Variants in PLXNA4 observed in about 807,000 individuals in gnomAD.
PLXNA4 encodes plexin A4, also known as plexin-A4.
Under a neutral mutation model 191.8 loss-of-function variants are expected in PLXNA4, and 44 were observed. The ratio of observed to expected loss-of-function variants is 0.23; its 90% confidence interval spans 0.18 to 0.29. The LOEUF (loss-of-function observed/expected upper bound fraction) is 0.29, where lower values mean the gene tolerates loss of function less well. Ranked by LOEUF, PLXNA4 falls within the 10% of genes least tolerant of loss-of-function variation. PLXNA4 has a pLI of 1.00. For synonymous variants in PLXNA4, 1,082 were observed against 1,009.5 expected, an observed-to-expected ratio of 1.07 and a Z score of -1.36; for missense variants, 1,800 against 2,488.8, an observed-to-expected ratio of 0.72 and a Z score of 5.89.
intron 3 of PLXNA4, among the ~76,000 whole-genome samples, chr7:132,429,802 G>A (rs768248821): frequency 1.3e-5 from 2 of 152,122 alleles, no homozygotes; most frequent in African/African-American, 2.4e-5. Flanking sequence ...TTAGAACAAG[G>A]CTTGATGGTC....
chr7:132,602,114 C>A (rs1396519064), intron 2 of PLXNA4, among the ~76,000 whole-genome samples: 1 of 152,146 alleles, frequency 6.6e-6, no homozygotes, highest in African/African-American at 2.4e-5. Flanking sequence ...TCCAAGTAAG[C>A]CTCAAATTTT....
chr7:132,375,057 C>T (rs984504526), intron 3 of PLXNA4, among the ~76,000 whole-genome samples: 2 of 152,230 alleles, frequency 1.3e-5, no homozygotes, highest in Non-Finnish European at 2.9e-5. Flanking sequence ...AACCCAAGCT[C>T]ATGTTAGTAA....
At position 132,455,129 on chromosome 7, in the gene PLXNA4, G is replaced by T. The variant is rs186651538; in HGVS notation, c.1371+34163C>A. Reference sequence around the variant, plus strand: ...TGTCAGCCTGCAGCCTCGCCTGGACGCTGTTTGCACTCACACACACTGGCA... The same window carrying T: ...TGTCAGCCTGCAGCCTCGCCTGGACTCTGTTTGCACTCACACACACTGGCA... On this transcript the variant is annotated intron_variant, in intron 3 of 31. Coordinates refer to ENST00000321063, the MANE Select transcript of PLXNA4 (RefSeq NM_020911.2). Among the ~76,000 whole-genome samples the T allele has an allele frequency of 6.5e-4, 99 of 152,314 alleles. No homozygotes were observed. The East Asian group carries it at 0.016, about 24-fold the overall frequency.
chr7:132,417,476 T>C lies in PLXNA4; in HGVS notation c.1371+71816A>G, dbSNP rs546171931. On this transcript the variant is annotated intron_variant, in intron 3 of 31. Coordinates refer to ENST00000321063, the MANE Select transcript of PLXNA4 (RefSeq NM_020911.2). ...GTGAAAAATCTCAGGATATAGACTT[T>C]GTCCAGTAGATAAGGAATGAGGTAA... Among the ~76,000 whole-genome samples the C allele has an allele frequency of 2.0e-5, 3 of 152,322 alleles. 1 individual carries two copies. The highest frequency in any genetic ancestry group is 2.0e-4 in the Admixed American group (3 of 15,308).
At chr7:132,387,832 A>T (rs987241882) in intron 3 of PLXNA4, among the ~76,000 whole-genome samples, 1 of 152,092 alleles carries the variant, frequency 6.6e-6, no homozygotes, top group Non-Finnish European at 1.5e-5. Flanking sequence ...TTTGATTATC[A>T]TTCACCAGGT....
chr7:132,310,925 G>A (rs1801705340), intron 3 of PLXNA4, among the ~76,000 whole-genome samples: 1 of 152,186 alleles, frequency 6.6e-6, no homozygotes. Context: ...AGAAGGTGGA[G>A]GATGCAACTT....
chr7:132,159,156 T>C (rs1795876747), intron 25 of PLXNA4, among the ~76,000 whole-genome samples: 1 of 152,114 alleles, frequency 6.6e-6, no homozygotes, highest in South Asian at 2.1e-4. Flanking sequence ...TTTCCAGATA[T>C]GACTCCTTCA....
At chr7:132,192,553 G>T (rs1342976893) in intron 14 of PLXNA4, among the ~76,000 whole-genome samples, 1 of 151,758 alleles carries the variant, frequency 6.6e-6, no homozygotes, top group African/African-American at 2.4e-5. Flanking sequence ...AGGGGTGGGG[G>T]TGCAGAAGGA....
rs2116409972 is a variant in PLXNA4 at position 132,283,202 on chromosome 7, A to C, written c.1503+14889T>G. 1.3e-5 allele frequency among the ~76,000 whole-genome samples: 2 copies of C among 152,320 alleles called. 1 individual carries two copies. The highest frequency in any genetic ancestry group is 4.1e-4 in the South Asian group (2 of 4,826). On this transcript the variant is annotated intron_variant, in intron 4 of 31. Transcript: ENST00000321063. ...CAACTTTAATTGTGGAAGACAGAGT[A>C]ATAAATATTTGACAATAAACAATGG...
intron 4 of PLXNA4, among the ~76,000 whole-genome samples, chr7:132,280,081 A>G (rs1800423816): frequency 6.6e-6 from 1 of 152,184 alleles, no homozygotes; most frequent in Admixed American, 6.5e-5. Flanking sequence ...CTATTCCATT[A>G]AAAACAAATT....
At chr7:132,205,046 G>A (rs1797568718) in intron 10 of PLXNA4, among the ~76,000 whole-genome samples, 1 of 152,078 alleles carries the variant, frequency 6.6e-6, no homozygotes, top group African/African-American at 2.4e-5. Context: ...TCTCTCGTTT[G>A]ACCAATGGCA....
chr7:132,571,834 TC>T (rs1461361869), intron 1 of PLXNA4, among the ~76,000 whole-genome samples: 1 of 152,104 alleles, frequency 6.6e-6, no homozygotes, highest in Non-Finnish European at 1.5e-5. Flanking sequence ...CTTCACTCAT[TC>T]ATTCATTTAC....
intron 3 of PLXNA4, among the ~76,000 whole-genome samples, chr7:132,374,440 C>T (rs914798938): frequency 2.0e-5 from 3 of 152,126 alleles, no homozygotes; most frequent in African/African-American, 7.2e-5. Flanking sequence ...GTGTCAAAGG[C>T]TAGCTGTTGG....
At chr7:132,384,721 C>A in intron 3 of PLXNA4, 1 of 1,035,412 alleles carries the variant, frequency 9.7e-7, no homozygotes, top group Non-Finnish European at 1.2e-6. Context: ...TGTATGCACA[C>A]ACACCTTTAA....
intron 3 of PLXNA4, among the ~76,000 whole-genome samples, chr7:132,307,245 C>T (rs575585677): frequency 2.4e-4 from 36 of 152,280 alleles, no homozygotes; most frequent in Non-Finnish European, 3.1e-4. Context: ...AAAGTATTCC[C>T]TCCTGCCTCT....
chr7:132,204,223 AG>A (rs999644396), intron 10 of PLXNA4, among the ~76,000 whole-genome samples: 1 of 152,152 alleles, frequency 6.6e-6, no homozygotes, highest in Non-Finnish European at 1.5e-5. Context: ...TGGAGAGAAG[AG>A]GGAGGTGCTG....
At chr7:132,505,197 G>A (rs530270041) in intron 2 of PLXNA4, among the ~76,000 whole-genome samples, 21 of 152,326 alleles carry the variant, frequency 1.4e-4, no homozygotes, top group East Asian at 1.9e-4. Context: ...ATTACTCCCC[G>A]TCCCGGCATT....
At chr7:132,270,353 G>T (rs562423592) in intron 4 of PLXNA4, among the ~76,000 whole-genome samples, 1 of 152,158 alleles carries the variant, frequency 6.6e-6, no homozygotes, top group Non-Finnish European at 1.5e-5. Flanking sequence ...GACCGATTGA[G>T]GTCAGCAAGA....
At chr7:132,370,883 G>T (rs1432638100) in intron 3 of PLXNA4, among the ~76,000 whole-genome samples, 2 of 152,160 alleles carry the variant, frequency 1.3e-5, no homozygotes, top group Non-Finnish European at 1.5e-5. Flanking sequence ...ACTCACTTTT[G>T]CCCTGAGGGT....
Sources: gnomAD v4.1 joint callset for allele counts (sites outside exome capture counted in the v4.1 genomes callset) on GRCh38, gnomAD v4.1.1 for gene constraint, MANE v1.5 for transcripts, NCBI Gene and HGNC (gene_info 2026-07-23, HGNC 2026-07-21) for gene names.